The following STARD13 variants were observed in gnomAD, a reference collection of about 807,000 sequenced individuals.
STARD13 encodes the protein StAR related lipid transfer domain containing 13.
STARD13 carries 62 observed loss-of-function variants against 106.4 expected under a neutral mutation model. The ratio of observed to expected loss-of-function variants is 0.58; its 90% confidence interval spans 0.48 to 0.72. STARD13 has a LOEUF of 0.72. STARD13 is among the 30% of genes least tolerant of loss of function. STARD13 has a pLI of 0.00. For missense variants in STARD13, 1,387 were observed against 1,424.0 expected (o/e 0.97, Z 0.42); for synonymous variants, 565 against 553.0 (o/e 1.02, Z -0.31).
the STARD13 span, among the ~76,000 whole-genome samples, chr13:33,498,238 A>C: frequency 2.6e-5 from 4 of 152,350 alleles, no homozygotes; most frequent in African/African-American, 9.6e-5. Context: ...ACCTTCAATT[A>C]TAAGAACTTG....
the STARD13 span, among the ~76,000 whole-genome samples, chr13:33,515,860 A>G: frequency 1.3e-5 from 2 of 152,052 alleles, no homozygotes; most frequent in East Asian, 1.9e-4. Context: ...GATGCTTTCG[A>G]CAGAAAGACA....
At chr13:33,403,448 T>A in the STARD13 span, among the ~76,000 whole-genome samples, 1 of 152,176 alleles carries the variant, frequency 6.6e-6, no homozygotes, top group East Asian at 1.9e-4. Context: ...AATAGGCAAG[T>A]GAATAAATCA....
chr13:33,142,217 A>T, intron 4 of STARD13, 93 bp downstream of exon 4: 1 of 942,062 alleles, frequency 1.1e-6, no homozygotes, highest in Non-Finnish European at 1.7e-6. Context: ...ATTTTTTTGT[A>T]GACACAAGGG....
the STARD13 span, among the ~76,000 whole-genome samples, chr13:33,626,237 T>C: frequency 6.6e-6 from 1 of 152,156 alleles, no homozygotes; most frequent in African/African-American, 2.4e-5. Context: ...AATGGGAGAT[T>C]AGTGTAAGGA....
the STARD13 span, among the ~76,000 whole-genome samples, chr13:33,657,785 C>T: frequency 6.6e-5 from 10 of 152,264 alleles, no homozygotes; most frequent in Non-Finnish European, 1.3e-4. Flanking sequence ...AGGCTTTTTT[C>T]AACCTATGCA....
Position 33,129,187 on chromosome 13 carries a change from T to C in STARD13, c.1490A>G (p.Gln497Arg). The change falls in exon 5 of 14, where the codon CAA (glutamine) becomes CGA (arginine). Residue 497 changes from glutamine (Q) to arginine (R), a missense_variant. Physicochemically the swap from Gln to Arg is conservative, Grantham distance 43. Transcript: ENST00000336934. ...DDILQHVNGLQEVVDDWSKDV... is the reference protein window; with the variant it reads ...DDILQHVNGLREVVDDWSKDV... ...TTTGGACCAGTCATCGACTACCTCT[T>C]GGAGCCCATTGACATGCTGCAGAAT... is the stretch of plus-strand genomic sequence containing the variant. 1 of 1,614,208 alleles carries C rather than the reference T, an allele frequency of 6.2e-7. No individual in the cohort carries two copies. The highest frequency in any genetic ancestry group is 1.6e-4 in the Middle Eastern group (1 of 6,062).
At chr13:33,385,597 C>T in the STARD13 span, among the ~76,000 whole-genome samples, 11 of 151,384 alleles carry the variant, frequency 7.3e-5, no homozygotes, top group South Asian at 1.9e-3. Flanking sequence ...CGGTGGCTCA[C>T]GCCTGTAATC....
the STARD13 span, among the ~76,000 whole-genome samples, chr13:33,594,626 T>C: frequency 6.6e-6 from 1 of 152,180 alleles, no homozygotes; most frequent in Non-Finnish European, 1.5e-5. Context: ...TATCCAGAAC[T>C]TTTTACCTTC....
chr13:33,429,523 C>CA, the STARD13 span, among the ~76,000 whole-genome samples: 7,929 of 98,840 alleles, frequency 0.08, 621 homozygotes, highest in African/African-American at 0.24. Context: ...GACTCCGTCT[C>CA]AAAAAAAAAA....
chr13:33,360,561 G>C, the STARD13 span, among the ~76,000 whole-genome samples: 5 of 142,696 alleles, frequency 3.5e-5, no homozygotes, highest in Non-Finnish European at 6.1e-5. Flanking sequence ...TGATCACATC[G>C]TTAGTAAAGG....
chr13:33,363,666 C>T, the STARD13 span, among the ~76,000 whole-genome samples: 1 of 152,218 alleles, frequency 6.6e-6, no homozygotes, highest in South Asian at 2.1e-4. Flanking sequence ...GTTCTTCTGC[C>T]TGGAGCACAC....
At chr13:33,526,719 TGTAAGGAC>T in the STARD13 span, among the ~76,000 whole-genome samples, 1 of 96,412 alleles carries the variant, frequency 1.0e-5, no homozygotes, top group African/African-American at 9.7e-5. Context: ...CTCTCTGGAC[TGTAAGGAC>T]TGTAAGGAGT....
rs546263963 is a variant in STARD13, at chr13:33,221,330, TC to T, written c.170-53709del. ...TCCAGGTGCCTCATGTAAGTGTTTGTCCATTTGTGATTGGCTTATTTCACTT... is the reference window on the plus strand; with the variant it reads ...TCCAGGTGCCTCATGTAAGTGTTTGTCATTTGTGATTGGCTTATTTCACTT... On this transcript the variant is annotated intron_variant, in intron 1 of 13. Coordinates refer to ENST00000336934, the MANE Select transcript of STARD13 (RefSeq NM_178006.4). Among the ~76,000 whole-genome samples the T allele has an allele frequency of 9.2e-5, 14 of 152,350 alleles. No individual in the cohort carries two copies. The South Asian group carries it at 2.9e-3, about 32-fold the overall frequency.
the STARD13 span, among the ~76,000 whole-genome samples, chr13:33,357,552 C>T: frequency 6.6e-6 from 1 of 152,166 alleles, no homozygotes; most frequent in Non-Finnish European, 1.5e-5. Context: ...AGGTCAGCAG[C>T]TACTCTTTAG....
chr13:33,165,271 T>G, intron 3 of STARD13, 66 bp downstream of exon 3: 1 of 1,226,358 alleles, frequency 8.2e-7, no homozygotes, highest in Non-Finnish European at 1.2e-6. Context: ...AGCTCGCCCT[T>G]CAGTATAGTG....
At chr13:33,565,896 C>G in the STARD13 span, among the ~76,000 whole-genome samples, 6 of 148,540 alleles carry the variant, frequency 4.0e-5, 1 homozygote. Context: ...TAATTAATTA[C>G]TTTCTCCTTT....
At chr13:33,213,673 T>C (rs1000411865) in intron 1 of STARD13, among the ~76,000 whole-genome samples, 1 of 152,252 alleles carries the variant, frequency 6.6e-6, no homozygotes, top group East Asian at 1.9e-4. Context: ...ATTGTGCTCA[T>C]GGCAAGACAA....
the STARD13 span, among the ~76,000 whole-genome samples, chr13:33,623,432 A>C: frequency 1.9e-3 from 199 of 107,546 alleles, 1 homozygote; most frequent in Non-Finnish European, 2.6e-3. Flanking sequence ...ATAAAGTAAA[A>C]AAAAAAAAAA....
chr13:33,585,964 G>A, the STARD13 span, among the ~76,000 whole-genome samples: 1 of 152,142 alleles, frequency 6.6e-6, no homozygotes, highest in African/African-American at 2.4e-5. Flanking sequence ...TGTTTGATGG[G>A]GATGAAGTTT....
Sources: gnomAD v4.1 joint callset for allele counts (sites outside exome capture counted in the v4.1 genomes callset) on GRCh38, gnomAD v4.1.1 for gene constraint, MANE v1.5 for transcripts, NCBI Gene and HGNC (gene_info 2026-07-23, HGNC 2026-07-21) for gene names.